Variants in TMC1 observed in about 807,000 individuals in gnomAD.
TMC1 encodes transmembrane channel-like protein 1.
A neutral mutation model predicts 105.8 loss-of-function variants in TMC1; 84 were observed. The ratio of observed to expected loss-of-function variants is 0.79; its 90% confidence interval spans 0.67 to 0.95. The LOEUF (loss-of-function observed/expected upper bound fraction) is 0.95, where lower values mean the gene tolerates loss of function less well. Among genes scored for constraint, TMC1 ranks in the 40% least tolerant of loss-of-function variants. The probability of loss-of-function intolerance (pLI) is 0.00; values close to 1 mark genes in which losing one functional copy is unlikely to be tolerated. For missense variants in TMC1, 817 were observed against 914.1 expected (o/e 0.89, Z 1.37); for synonymous variants, 315 against 311.5 (o/e 1.01, Z -0.12).
rs547623705 is a variant in TMC1, at chr9:72,527,205, T to G, written c.-428+5292T>G. ...TGGGTAATACTGCTTAAAAATCCCC[T>G]TGAGAACTTCTTTAAAATGCAAATA... On this transcript the variant is annotated intron_variant, in intron 1 of 23. Transcript: ENST00000297784. Among the ~76,000 whole-genome samples, 256 of 152,272 alleles carry G rather than the reference T, an allele frequency of 1.7e-3. 1 individual carries two copies. The highest frequency in any genetic ancestry group is 7.0e-3 in the South Asian group (34 of 4,826).
rs570784267 is a variant in TMC1 at position 72,522,300 on chromosome 9, G to A, written c.-428+387G>A. Among the ~76,000 whole-genome samples, 448 of 151,982 alleles carry A rather than the reference G, an allele frequency of 2.9e-3. 2 individuals are homozygous for A. Among genetic ancestry groups the A allele is most frequent in the African/African-American group, 0.01 (427 of 41,488 alleles). On this transcript the variant is annotated intron_variant, in intron 1 of 23. Transcript: ENST00000297784. ...GTATTTTTAGTAGAGACGGGGTTTC[G>A]CCGTGTTAGCCAGGATGGTCTCGAT...
chr9:72,685,542 G>T (rs975997904), intron 5 of TMC1, among the ~76,000 whole-genome samples: 43 of 151,732 alleles, frequency 2.8e-4, no homozygotes, highest in Admixed American at 5.3e-4. Context: ...TTTTGTGTTT[G>T]TAGTAGAGGC....
At chr9:72,646,266 G>A (rs1261228394) in intron 4 of TMC1, among the ~76,000 whole-genome samples, 1 of 152,150 alleles carries the variant, frequency 6.6e-6, no homozygotes, top group Admixed American at 6.5e-5. Context: ...ACAGGTGCAA[G>A]TTTATTGTAA....
intron 1 of TMC1, among the ~76,000 whole-genome samples, chr9:72,527,011 C>T (rs1017358464): frequency 1.3e-5 from 2 of 152,166 alleles, no homozygotes; most frequent in African/African-American, 2.4e-5. Flanking sequence ...GGGTACCAGA[C>T]GCATGGTCTA....
At chr9:72,528,707 G>T (rs1349793817) in intron 1 of TMC1, among the ~76,000 whole-genome samples, 1 of 152,104 alleles carries the variant, frequency 6.6e-6, no homozygotes, top group Non-Finnish European at 1.5e-5. Context: ...TGAATCTGAG[G>T]ACCCAAGACT....
intron 13 of TMC1, among the ~76,000 whole-genome samples, chr9:72,775,991 G>C (rs995817641): frequency 1.2e-4 from 18 of 152,262 alleles, no homozygotes; most frequent in African/African-American, 4.1e-4. Flanking sequence ...CTTCCCCTAT[G>C]ACCCAAACAC....
At chr9:72,618,230 T>C (rs578047182) in intron 3 of TMC1, among the ~76,000 whole-genome samples, 40 of 152,048 alleles carry the variant, frequency 2.6e-4, no homozygotes, top group Admixed American at 1.7e-3. Flanking sequence ...GGTTTCACCA[T>C]GTTGGCCAGG....
chr9:72,805,532 CTT>C (rs111880209), intron 18 of TMC1, 22 bp downstream of exon 18: 3,368 of 1,313,148 alleles, frequency 2.6e-3, no homozygotes, highest in African/African-American at 4.2e-3. Context: ...GTTAATTTTG[CTT>C]TTTTTTTTTT....
At chr9:72,607,282 C>G (rs1208485143) in intron 2 of TMC1, among the ~76,000 whole-genome samples, 1 of 152,066 alleles carries the variant, frequency 6.6e-6, no homozygotes, top group African/African-American at 2.4e-5. Flanking sequence ...AGATTGATTT[C>G]TTCGTCATAA....
intron 5 of TMC1, among the ~76,000 whole-genome samples, chr9:72,650,494 CT>C (rs1026302017): frequency 2.7e-5 from 4 of 148,186 alleles, no homozygotes; most frequent in African/African-American, 4.9e-5. Context: ...CAGAACAAGC[CT>C]TTTTTTTTAA....
chr9:72,821,246 C>A (rs979796479), intron 20 of TMC1, among the ~76,000 whole-genome samples, 165 bp downstream of exon 20: 7 of 152,074 alleles, frequency 4.6e-5, no homozygotes, highest in African/African-American at 1.7e-4. Context: ...GTAATCCCAG[C>A]ACTTTGGGAG....
intron 1 of TMC1, among the ~76,000 whole-genome samples, chr9:72,575,897 G>T (rs919293029): frequency 4.2e-5 from 5 of 118,648 alleles, no homozygotes; most frequent in Non-Finnish European, 8.6e-5. Flanking sequence ...AGGGCCAGTT[G>T]AAACTGGGCT....
intron 18 of TMC1, among the ~76,000 whole-genome samples, chr9:72,814,356 C>T (rs893863685): frequency 2.0e-5 from 3 of 152,186 alleles, no homozygotes; most frequent in African/African-American, 2.4e-5. Context: ...AGTTAATGTT[C>T]TCCAGATAAG....
At chr9:72,526,581 T>C (rs1823410732) in intron 1 of TMC1, among the ~76,000 whole-genome samples, 1 of 152,232 alleles carries the variant, frequency 6.6e-6, no homozygotes, top group Admixed American at 6.5e-5. Context: ...AGCTTTCTTT[T>C]TCCTCTCTGG....
chr9:72,719,172 A>G (rs963488702), intron 8 of TMC1, among the ~76,000 whole-genome samples: 4 of 152,100 alleles, frequency 2.6e-5, no homozygotes, highest in African/African-American at 9.7e-5. Context: ...CCTGCCTGTC[A>G]CCGGATTCAC....
chr9:72,726,491 G>A (rs1827127665), intron 8 of TMC1, among the ~76,000 whole-genome samples: 1 of 152,158 alleles, frequency 6.6e-6, no homozygotes, highest in Non-Finnish European at 1.5e-5. Context: ...TAATTCTGCA[G>A]AAAGGCCAGT....
rs531445947 is a variant in TMC1 at position 72,547,273 on chromosome 9, C to T, written c.-428+25360C>T. On this transcript the variant is annotated intron_variant, in intron 1 of 23. Coordinates refer to ENST00000297784, the MANE Select transcript of TMC1 (RefSeq NM_138691.3). ...CTGCACTCCAGCCTGGGCAACAGAG[C>T]GAGACTCCTTCTCAAAAAAAAAAAA... Among the ~76,000 whole-genome samples, 41 of 132,232 alleles carry T rather than the reference C, an allele frequency of 3.1e-4. No homozygotes were observed. In the South Asian group the frequency reaches 9.3e-3, roughly 30 times the overall value. 86.7% of individuals were successfully genotyped at this position (132,232 alleles called of 152,430 possible).
chr9:72,618,022 CTTTTTTTTTTTTT>C lies in TMC1; in HGVS notation c.-196+1557_-196+1569del, dbSNP rs34497983. ...AGGAGCGAGACTTCTCTGGGTACAT[CTTTTTTTTTTTTT>C]TTTTTTTTTTTGAGACAAAGTCTCA... On this transcript the variant is annotated intron_variant, in intron 3 of 23. Coordinates refer to ENST00000297784, the MANE Select transcript of TMC1 (RefSeq NM_138691.3). Among the ~76,000 whole-genome samples, 14 of 79,200 alleles carry C rather than the reference CTTTTTTTTTTTTT, an allele frequency of 1.8e-4. No homozygotes were observed. In the East Asian group the frequency reaches 5.2e-3, roughly 29 times the overall value. The allele number at this position is 79,200 out of a possible 152,430, so 52.0% of individuals were successfully genotyped here.
rs575881133 is a variant in TMC1, at chr9:72,749,644, G to A, written c.536-2206G>A. ...ACCCTTAGAAACCTTATAGAACTCT[G>A]CACCCCTCGGCAATGTGAAATCAAT... On this transcript the variant is annotated intron_variant, in intron 10 of 23. Coordinates refer to ENST00000297784, the MANE Select transcript of TMC1 (RefSeq NM_138691.3). 1.5e-4 allele frequency among the ~76,000 whole-genome samples: 23 copies of A among 152,170 alleles called. No homozygotes were observed. The South Asian group carries it at 4.8e-3, about 32-fold the overall frequency.
Sources: allele counts gnomAD v4.1 joint callset (sites outside exome capture counted in the v4.1 genomes callset), GRCh38; gene constraint gnomAD v4.1.1; transcripts MANE v1.5; gene names NCBI Gene and HGNC (gene_info 2026-07-23, HGNC 2026-07-21).